Variants in BAZ2B observed in about 807,000 individuals in gnomAD.
The protein encoded by BAZ2B is bromodomain adjacent to zinc finger domain 2B, also known as bromodomain adjacent to zinc finger domain protein 2B.
BAZ2B carries 91 observed loss-of-function variants against 246.0 expected under a neutral mutation model. The ratio of observed to expected loss-of-function variants is 0.37; its 90% CI spans 0.31 to 0.44. The LOEUF (loss-of-function observed/expected upper bound fraction) is 0.44. Ranked by LOEUF, BAZ2B falls within the 20% of genes least tolerant of loss-of-function variation. The pLI is 1.00. For missense variants in BAZ2B, 2,332 were observed against 2,533.7 expected (o/e 0.92, Z 1.71); for synonymous variants, 855 against 860.0 (o/e 0.99, Z 0.10).
intron 2 of BAZ2B, among the ~76,000 whole-genome samples, chr2:159,499,488 G>A (rs945141758): frequency 3.3e-5 from 5 of 152,214 alleles, no homozygotes; most frequent in East Asian, 1.9e-4. Flanking sequence ...GAACATACAC[G>A]TGTATGTATC....
chr2:159,572,002 G>C, intron 1 of BAZ2B, among the ~76,000 whole-genome samples: 1 of 152,120 alleles, frequency 6.6e-6, no homozygotes, highest in East Asian at 1.9e-4. Flanking sequence ...TTTTGGAAGG[G>C]ACATTCAAAC....
At chr2:159,360,675 GC>G (rs1159255214) in intron 27 of BAZ2B, among the ~76,000 whole-genome samples, 2 of 152,270 alleles carry the variant, frequency 1.3e-5, no homozygotes, top group African/African-American at 2.4e-5. Context: ...AAAGCTGGAG[GC>G]ATCACACTAC....
At chr2:159,544,479 T>C (rs1485709157) in intron 2 of BAZ2B, among the ~76,000 whole-genome samples, 1 of 152,192 alleles carries the variant, frequency 6.6e-6, no homozygotes, top group South Asian at 2.1e-4. Flanking sequence ...CATTGACTAA[T>C]ACAGGGAATA....
At chr2:159,681,333 G>T in the BAZ2B span, among the ~76,000 whole-genome samples, 1 of 148,902 alleles carries the variant, frequency 6.7e-6, no homozygotes, top group African/African-American at 2.5e-5. Context: ...GATGTTCAAA[G>T]AAATAAAGAA....
At chr2:159,488,072 ATTTTTAT>A (rs1360058905) in intron 2 of BAZ2B, among the ~76,000 whole-genome samples, 1 of 151,630 alleles carries the variant, frequency 6.6e-6, no homozygotes, top group African/African-American at 2.4e-5. Context: ...TGGATTTTTT[ATTTTTAT>A]TTTTTAATTT....
At chr2:159,419,230 G>A (rs1432058297) in intron 13 of BAZ2B, among the ~76,000 whole-genome samples, 6 of 152,088 alleles carry the variant, frequency 3.9e-5, no homozygotes, top group Non-Finnish European at 8.8e-5. Flanking sequence ...AGAGAATTAA[G>A]TTAGCTTCAG....
intron 31 of BAZ2B, among the ~76,000 whole-genome samples, chr2:159,340,987 G>A (rs2066593727): frequency 6.6e-6 from 1 of 151,966 alleles, no homozygotes. Flanking sequence ...CAAGAGAAAA[G>A]CAATCAATAA....
intron 8 of BAZ2B, chr2:159,434,038 C>T (rs186073565): frequency 6.6e-6 from 1 of 152,142 alleles, no homozygotes; most frequent in Non-Finnish European, 1.5e-5. Flanking sequence ...ATGCGGCTGA[C>T]CAGGAGCTGT....
At chr2:159,570,039 A>T (rs1023163672) in intron 1 of BAZ2B, among the ~76,000 whole-genome samples, 1 of 152,208 alleles carries the variant, frequency 6.6e-6, no homozygotes, top group Middle Eastern at 3.2e-3. Context: ...TATATTATCT[A>T]TGCCTCACCT....
chr2:159,702,731 C>T, the BAZ2B span, among the ~76,000 whole-genome samples: 45 of 151,964 alleles, frequency 3.0e-4, no homozygotes, highest in African/African-American at 7.2e-4. Flanking sequence ...ACCCCCAATA[C>T]GCAAAAACAT....
intron 3 of BAZ2B, among the ~76,000 whole-genome samples, chr2:159,474,443 T>C (rs1287711179): frequency 6.6e-6 from 1 of 152,200 alleles, no homozygotes; most frequent in Non-Finnish European, 1.5e-5. Context: ...TTTGAGCCTA[T>C]GTGTGTCTTT....
intron 1 of BAZ2B, among the ~76,000 whole-genome samples, chr2:159,587,101 C>G (rs111710274): frequency 6.7e-6 from 1 of 149,142 alleles, no homozygotes; most frequent in Admixed American, 6.7e-5. Flanking sequence ...TTTTTTGAGA[C>G]GGAGTATGGC....
intron 1 of BAZ2B, among the ~76,000 whole-genome samples, chr2:159,559,690 T>C (rs1382275449): frequency 1.3e-5 from 2 of 152,126 alleles, no homozygotes; most frequent in Non-Finnish European, 2.9e-5. Flanking sequence ...GAAAAAAATA[T>C]GTGAAATTAA....
chr2:159,606,196 C>T (rs1693453169), intron 1 of BAZ2B, among the ~76,000 whole-genome samples: 1 of 152,208 alleles, frequency 6.6e-6, no homozygotes, highest in Non-Finnish European at 1.5e-5. Context: ...ACTCTGACTG[C>T]ATTTAGAAAC....
At chr2:159,682,917 C>T in the BAZ2B span, among the ~76,000 whole-genome samples, 3 of 105,588 alleles carry the variant, frequency 2.8e-5, no homozygotes, top group South Asian at 3.1e-4. Flanking sequence ...CCTCCCCCCC[C>T]CCACACACAC....
At chr2:159,580,393 C>T (rs569392857) in intron 1 of BAZ2B, among the ~76,000 whole-genome samples, 3 of 152,222 alleles carry the variant, frequency 2.0e-5, no homozygotes, top group Admixed American at 2.0e-4. Flanking sequence ...GAACTACAAA[C>T]CACGGCTCAA....
chr2:159,689,899 A>T, the BAZ2B span: 1 of 395,670 alleles, frequency 2.5e-6, no homozygotes, highest in Middle Eastern at 3.9e-4. Context: ...GTATTTTAGT[A>T]AAGTCAACAC....
chr2:159,644,884 CT>C, the BAZ2B span, among the ~76,000 whole-genome samples: 2 of 152,160 alleles, frequency 1.3e-5, no homozygotes, highest in African/African-American at 4.8e-5. Context: ...CTTCTGAAAA[CT>C]TTTTCCTTAA....
intron 1 of BAZ2B, among the ~76,000 whole-genome samples, chr2:159,592,999 T>C (rs1311765379): frequency 6.6e-6 from 1 of 152,184 alleles, no homozygotes; most frequent in Non-Finnish European, 1.5e-5. Context: ...AGCAAATAAA[T>C]GATGAAGCAA....
Sources: gnomAD v4.1 joint callset for allele counts (sites outside exome capture counted in the v4.1 genomes callset) on GRCh38, gnomAD v4.1.1 for gene constraint, MANE v1.5 for transcripts, NCBI Gene and HGNC (gene_info 2026-07-23, HGNC 2026-07-21) for gene names.